Variants in CELSR1 observed in about 807,000 individuals in gnomAD.
The protein encoded by CELSR1 is cadherin EGF LAG seven-pass G-type receptor 1.
A neutral mutation model predicts 249.1 loss-of-function variants in CELSR1; 110 were observed. The observed-to-expected ratio is 0.44, with a 90% CI of 0.38 to 0.52. CELSR1 has a LOEUF of 0.52. Among genes scored for constraint, CELSR1 ranks in the 20% least tolerant of loss-of-function variants. The pLI is 0.00. For synonymous variants in CELSR1, 2,113 were observed against 1,900.0 expected, an observed-to-expected ratio of 1.11 and a Z score of -2.92; for missense variants, 4,109 against 4,296.4, an observed-to-expected ratio of 0.96 and a Z score of 1.22.
intron 29 of CELSR1, 41 bp downstream of exon 29, chr22:46,366,952 C>A: frequency 6.3e-7 from 1 of 1,584,914 alleles, no homozygotes; most frequent in Non-Finnish European, 8.6e-7. Flanking sequence ...CTCGAGATGC[C>A]GCCCAGCCCC....
chr22:46,362,676 G>T lies in CELSR1; in HGVS notation c.*547C>A, dbSNP rs12172608. 35,959 of 160,434 alleles carry T rather than the reference G, an allele frequency of 0.22. 6,323 individuals are homozygous for T. The highest frequency in any genetic ancestry group is 0.5 in the African/African-American group (20,730 of 41,716). The allele number at this position is 160,434 out of a possible 1,614,324, so 9.9% of individuals were successfully genotyped here. On this transcript the variant is annotated 3_prime_UTR_variant, in exon 35 of 35. Transcript: ENST00000674500. ...CACGAATGCAATATATATACAGGTT[G>T]CACCTCCTCAGAGTCCCATACAAAT...
rs985411023 is a variant in CELSR1 at position 46,440,440 on chromosome 22, C to T, written c.4184-1029G>A. On this transcript the variant is annotated intron_variant, in intron 2 of 34. Transcript: ENST00000674500. This position sits in a 1 kb window ranked among gnomAD's most constrained non-coding sequence, Gnocchi z 4.7. ...GGTCTCCATCTCCTAACCTCGTGAT[C>T]CGCCTGCCTTGGCCTCCCAAAGTGC... Among the ~76,000 whole-genome samples, 37 of 152,226 alleles carry T rather than the reference C, an allele frequency of 2.4e-4. No individual in the cohort carries two copies. Among genetic ancestry groups the T allele is most frequent in the African/African-American group, 8.2e-4 (34 of 41,452 alleles).
chr22:46,520,773 C>T (rs1284110678), intron 1 of CELSR1, among the ~76,000 whole-genome samples: 1 of 152,080 alleles, frequency 6.6e-6, no homozygotes, highest in Non-Finnish European at 1.5e-5. Context: ...TAAATGCACC[C>T]ACAGTTTAGG....
Position 46,430,937 on chromosome 22 carries a change from CCCGTCAGACCT to C in CELSR1, c.4611+2445_4611+2455del, listed in dbSNP as rs2079588410. On this transcript the variant is annotated intron_variant, in intron 5 of 34. Coordinates refer to ENST00000674500, the MANE Select transcript of CELSR1 (RefSeq NM_001378328.1). This position sits in a 1 kb window ranked among gnomAD's most constrained non-coding sequence, Gnocchi z 4.6. ...CTGCTAACACATCCTAGTGTGTGGC[CCCGTCAGACCT>C]CCTAATGGACGCCTGAAGACACAGT... 6.6e-6 allele frequency among the ~76,000 whole-genome samples: 1 copy of C among 152,156 alleles called. No homozygotes were observed. The highest frequency in any genetic ancestry group is 2.4e-5 in the African/African-American group (1 of 41,420).
chr22:46,397,439 TTGCTGATCACCCCATG>T (rs1383593689), intron 12 of CELSR1, among the ~76,000 whole-genome samples: 1 of 152,062 alleles, frequency 6.6e-6, no homozygotes, highest in East Asian at 1.9e-4. Flanking sequence ...CACTGTTTCT[TTGCTGATCACCCCATG>T]TGCTGAGGAG....
intron 2 of CELSR1, among the ~76,000 whole-genome samples, chr22:46,459,090 G>A (rs1038512828): frequency 3.3e-5 from 5 of 152,070 alleles, no homozygotes; most frequent in Non-Finnish European, 5.9e-5. Context: ...AGGTTTCACC[G>A]TGTTGGCCAG....
At chr22:46,531,454 C>T (rs2080791492) in intron 1 of CELSR1, among the ~76,000 whole-genome samples, 1 of 152,200 alleles carries the variant, frequency 6.6e-6, no homozygotes, top group Non-Finnish European at 1.5e-5. Flanking sequence ...GATCCACCTG[C>T]CTCGGCCTCC....
In CELSR1 at chr22:46,473,627, C is replaced by T. The variant is rs928877147; in HGVS notation, c.3545-9282G>A. Among the ~76,000 whole-genome samples, 11 of 152,176 alleles carry T rather than the reference C, an allele frequency of 7.2e-5. No individual in the cohort carries two copies. Among genetic ancestry groups the T allele is most frequent in the Non-Finnish European group, 1.5e-4 (10 of 68,026 alleles). ...GCCCTCGGGGTCCAGAGTCATTCCC[C>T]GTGGCCGGCTGTGATCACATCCACA... On this transcript the variant is annotated intron_variant, in intron 1 of 34. Transcript: ENST00000674500. The surrounding 1 kb of genome is among the most constrained non-coding windows in gnomAD (Gnocchi z 6.6).
intron 29 of CELSR1, among the ~76,000 whole-genome samples, 178 bp from the exon 30 acceptor site, chr22:46,366,658 G>A (rs1356990704): frequency 1.3e-5 from 2 of 152,162 alleles, no homozygotes; most frequent in Admixed American, 1.3e-4. Flanking sequence ...AGAGCCTCCT[G>A]GCAGCTGAGG....
chr22:46,396,882 C>G lies in CELSR1; in HGVS notation c.5702-136G>C, dbSNP rs571440160. On this transcript the variant is annotated intron_variant, in intron 12 of 34. Coordinates refer to ENST00000674500, the MANE Select transcript of CELSR1 (RefSeq NM_001378328.1). The surrounding 1 kb of genome is among the most constrained non-coding windows in gnomAD (Gnocchi z 6.4). Reference sequence around the variant, plus strand: ...AGCAGAGGGAAGAGGAAGAGTGCCACAGAGTCCCCGAAAACACAGCGTTAG... The same window carrying G: ...AGCAGAGGGAAGAGGAAGAGTGCCAGAGAGTCCCCGAAAACACAGCGTTAG... 7 of 1,208,362 alleles carry G rather than the reference C, an allele frequency of 5.8e-6. No homozygotes were observed. The African/African-American group carries it at 7.6e-5, about 13-fold the overall frequency. The allele number at this position is 1,208,362 out of a possible 1,614,324, so 74.9% of individuals were successfully genotyped here.
At chr22:46,389,697 T>C (rs2079068747) in intron 17 of CELSR1, among the ~76,000 whole-genome samples, 198 bp from the exon 18 acceptor site, 2 of 152,122 alleles carry the variant, frequency 1.3e-5, no homozygotes, top group Admixed American at 1.3e-4. Context: ...GGGTAGATCA[T>C]TTGAGGTCAG....
Position 46,428,632 on chromosome 22 carries a change from G to A in CELSR1, c.4611+4761C>T, listed in dbSNP as rs2079561670. On this transcript the variant is annotated intron_variant, in intron 5 of 34. Transcript: ENST00000674500. This position sits in a 1 kb window ranked among gnomAD's most constrained non-coding sequence, Gnocchi z 5.7. Reference sequence around the variant, plus strand: ...CTAGTGACCAGAGGTCAGGAATGCTGCCCAGAACAGGCCTCACAATGAAGG... The same window carrying A: ...CTAGTGACCAGAGGTCAGGAATGCTACCCAGAACAGGCCTCACAATGAAGG... Among the ~76,000 whole-genome samples the A allele has an allele frequency of 6.6e-6, 1 of 152,250 alleles. No individual in the cohort carries two copies. Among genetic ancestry groups the A allele is most frequent in the Admixed American group, 6.5e-5 (1 of 15,288 alleles).
intron 1 of CELSR1, among the ~76,000 whole-genome samples, chr22:46,521,241 C>T (rs953562303): frequency 6.6e-6 from 1 of 152,164 alleles, no homozygotes; most frequent in Non-Finnish European, 1.5e-5. Context: ...CGGTGGCTCA[C>T]GCCTGTAATC....
rs138357150 is a variant in CELSR1, at chr22:46,533,931, C to A, written c.3240G>T (p.Pro1080=). 3 of 1,613,018 alleles carry A rather than the reference C, an allele frequency of 1.9e-6. No individual in the cohort carries two copies. The Admixed American group carries it at 5.0e-5, about 27-fold the overall frequency. ...TGTGCACCGTGGCTCGGCTCACCAG[C>A]GGAGCCGACGTGGCCTGCACCACCA... The part of the protein sequence containing the change: ...YVLVVQATSA[P]LVSRATVHIL... The change falls in exon 1 of 35, where the codon CCG becomes CCT. Residue 1080 remains proline (P), a synonymous_variant. Coordinates refer to ENST00000674500, the MANE Select transcript of CELSR1 (RefSeq NM_001378328.1).
rs1273594091 is a variant in CELSR1, at chr22:46,454,839, C to T, written c.4183+8868G>A. Among the ~76,000 whole-genome samples, 2 of 152,228 alleles carry T rather than the reference C, an allele frequency of 1.3e-5. No homozygotes were observed. Among genetic ancestry groups the T allele is most frequent in the Admixed American group, 1.3e-4 (2 of 15,290 alleles). On this transcript the variant is annotated intron_variant, in intron 2 of 34. Coordinates refer to ENST00000674500, the MANE Select transcript of CELSR1 (RefSeq NM_001378328.1). This position sits in a 1 kb window ranked among gnomAD's most constrained non-coding sequence, Gnocchi z 5.1. Reference sequence around the variant, plus strand: ...GTTCCCAAACTCCTTAGCTCCTCAGCGAAGGAGCACCCACGGCTGAATTGT... The same window carrying T: ...GTTCCCAAACTCCTTAGCTCCTCAGTGAAGGAGCACCCACGGCTGAATTGT...
chr22:46,444,709 AATTC>A (rs1252689127), intron 2 of CELSR1, among the ~76,000 whole-genome samples: 2 of 152,162 alleles, frequency 1.3e-5, no homozygotes, highest in Non-Finnish European at 2.9e-5. Flanking sequence ...AAACAACAGA[AATTC>A]ATTGTCTCAC....
At chr22:46,368,194 A>G (rs1031831252) in intron 27 of CELSR1, among the ~76,000 whole-genome samples, 3 of 152,174 alleles carry the variant, frequency 2.0e-5, no homozygotes, top group Non-Finnish European at 2.9e-5. Context: ...GTGGAGAGGC[A>G]AGAGGAAGAG....
intron 1 of CELSR1, among the ~76,000 whole-genome samples, chr22:46,511,406 CG>C: frequency 6.6e-6 from 1 of 152,206 alleles, no homozygotes; most frequent in Admixed American, 6.5e-5. Context: ...AAATCCCAAC[CG>C]GGACCAACAC....
chr22:46,372,551 T>G (rs1310339503), intron 25 of CELSR1, among the ~76,000 whole-genome samples: 1 of 139,740 alleles, frequency 7.2e-6, no homozygotes, highest in Non-Finnish European at 1.5e-5. Context: ...CCTCCATCCA[T>G]CCACCTGCAC....
Sources: gnomAD v4.1 joint callset for allele counts (sites outside exome capture counted in the v4.1 genomes callset) on GRCh38, gnomAD v4.1.1 for gene constraint, Gnocchi (gnomAD v3.1) non-coding constraint, MANE v1.5 for transcripts, NCBI Gene and HGNC (gene_info 2026-07-23, HGNC 2026-07-21) for gene names.